VIT: variants seen among roughly 807,000 people sequenced by gnomAD.
VIT encodes vitrin.
A neutral mutation model predicts 78.0 loss-of-function variants in VIT; 99 were observed. That is an observed-to-expected ratio of 1.27 (90% CI 1.08 to 1.50). The LOEUF (loss-of-function observed/expected upper bound fraction) is 1.50. VIT is among the 40% of genes most tolerant of loss of function. The probability of loss-of-function intolerance (pLI) is 0.00; values close to 1 mark genes in which losing one functional copy is unlikely to be tolerated. For synonymous variants in VIT, 374 were observed against 334.3 expected (o/e 1.12, Z -1.29); for missense variants, 1,126 against 875.3 (o/e 1.29, Z -3.61).
At chr2:36,733,889 C>A (rs2148494914) in intron 3 of VIT, among the ~76,000 whole-genome samples, 1 of 152,356 alleles carries the variant, frequency 6.6e-6, no homozygotes, top group South Asian at 2.1e-4. Context: ...GATCATCTAA[C>A]CGTTAGCGTC....
At chr2:36,735,937 G>T (rs1170876985) in intron 3 of VIT, among the ~76,000 whole-genome samples, 1 of 152,214 alleles carries the variant, frequency 6.6e-6, no homozygotes, top group Non-Finnish European at 1.5e-5. Flanking sequence ...TCTTAGAATA[G>T]TAAGAGGGAA....
intron 1 of VIT, among the ~76,000 whole-genome samples, chr2:36,712,348 C>T (rs1324895799): frequency 6.6e-6 from 1 of 152,080 alleles, no homozygotes; most frequent in South Asian, 2.1e-4. Context: ...CCCGGAATCC[C>T]GTTGGTTTTT....
intron 13 of VIT, among the ~76,000 whole-genome samples, chr2:36,803,171 C>T (rs1465779341): frequency 2.0e-5 from 3 of 152,190 alleles, no homozygotes; most frequent in Non-Finnish European, 4.4e-5. Context: ...ACCACTGCAG[C>T]TAGCAACCAA....
At chr2:36,787,015 T>A (rs1665140856) in intron 11 of VIT, 114 bp from the exon 12 acceptor site, 1 of 1,355,818 alleles carries the variant, frequency 7.4e-7, no homozygotes, top group Non-Finnish European at 1.0e-6. Context: ...CTACCTCTTT[T>A]TCCCTTTCTT....
intron 15 of VIT, among the ~76,000 whole-genome samples, chr2:36,811,447 G>T (rs1053554613): frequency 6.6e-6 from 1 of 152,172 alleles, no homozygotes; most frequent in Non-Finnish European, 1.5e-5. Flanking sequence ...TGTCAGCGCA[G>T]CCTTAATGAA....
intron 7 of VIT, among the ~76,000 whole-genome samples, chr2:36,772,532 T>C (rs1669826202): frequency 6.6e-6 from 1 of 151,678 alleles, no homozygotes; most frequent in Admixed American, 6.6e-5. Flanking sequence ...CGAAACTCCA[T>C]CTCAAAAACA....
At chr2:36,723,602 A>G (rs1307502758) in intron 2 of VIT, among the ~76,000 whole-genome samples, 5 of 152,374 alleles carry the variant, frequency 3.3e-5, no homozygotes, top group Admixed American at 3.3e-4. Context: ...TTCTCTATGC[A>G]TTAAACAATA....
At chr2:36,733,333 TCTCTCTCTCTCCCCCC>T (rs1667317375) in intron 3 of VIT, among the ~76,000 whole-genome samples, 1 of 151,534 alleles carries the variant, frequency 6.6e-6, no homozygotes, top group South Asian at 2.1e-4. Flanking sequence ...TCTCTTGCTG[TCTCTCTCTCTCCCCCC>T]CTCTCTCTCT....
intron 3 of VIT, among the ~76,000 whole-genome samples, chr2:36,739,579 G>A (rs12712517): frequency 0.64 from 97,457 of 151,942 alleles, 31,635 homozygotes; most frequent in East Asian, 0.87. Context: ...TAATCCTACA[G>A]TTCGATCTGG....
chr2:36,808,788 GCAA>G lies in VIT; in HGVS notation c.1707_1709del (p.Ser569_Lys570delinsArg), dbSNP rs1666935196. ...GAGTTTGGGTTCGACAAGTACAGCA[GCAA>G]GCCTGACATCCTCAACGCCATCAAG... On this transcript the variant is annotated inframe_deletion, in exon 15 of 16. Coordinates refer to ENST00000379242, the MANE Select transcript of VIT (RefSeq NM_053276.4). 1.2e-6 allele frequency: 2 copies of G among 1,614,100 alleles called. No individual in the cohort carries two copies. The highest frequency in any genetic ancestry group is 1.7e-4 in the Middle Eastern group (1 of 6,060).
chr2:36,706,742 A>G (rs1051709438), intron 1 of VIT, among the ~76,000 whole-genome samples: 1 of 152,242 alleles, frequency 6.6e-6, no homozygotes, highest in African/African-American at 2.4e-5. Flanking sequence ...TGCATCTGAC[A>G]ATAATAATTG....
intron 4 of VIT, among the ~76,000 whole-genome samples, chr2:36,748,406 G>A (rs1223932090): frequency 2.0e-5 from 3 of 152,138 alleles, no homozygotes; most frequent in Non-Finnish European, 4.4e-5. Flanking sequence ...ACATAAGTCT[G>A]TATTTCTCAG....
At chr2:36,781,622 T>G in intron 9 of VIT, 105 bp from the exon 10 acceptor site, 7 of 1,320,278 alleles carry the variant, frequency 5.3e-6, no homozygotes, top group Non-Finnish European at 7.5e-6. Context: ...TTTATTGAAC[T>G]TTCAGACACA....
intron 14 of VIT, 55 bp downstream of exon 14, chr2:36,805,719 A>G: frequency 6.4e-7 from 1 of 1,560,588 alleles, no homozygotes; most frequent in South Asian, 1.2e-5. Context: ...ACTCTGAAAA[A>G]TTGTAACGCC....
chr2:36,708,472 A>G (rs750078911), intron 1 of VIT, among the ~76,000 whole-genome samples: 13 of 152,206 alleles, frequency 8.5e-5, no homozygotes, highest in Non-Finnish European at 1.5e-4. Flanking sequence ...TGGCTCAAGT[A>G]AGCCTCTAGG....
At chr2:36,797,396 T>G (rs966530217) in intron 12 of VIT, among the ~76,000 whole-genome samples, 22 of 152,204 alleles carry the variant, frequency 1.4e-4, no homozygotes, top group African/African-American at 3.9e-4. Flanking sequence ...AAGCCCAAAC[T>G]TGGGGACGGA....
Position 36,808,979 on chromosome 2 carries a change from C to A in VIT, c.1897C>A (p.Leu633Met), listed in dbSNP as rs774923509. 1 of 1,581,614 alleles carries A rather than the reference C, an allele frequency of 6.3e-7. No individual in the cohort carries two copies. The highest frequency in any genetic ancestry group is 1.2e-5 in the South Asian group (1 of 84,824). The change falls in exon 15 of 16, where the codon CTG (leucine) becomes ATG (methionine). Residue 633 changes from leucine (L) to methionine (M), a missense_variant. Physicochemically the swap from Leu to Met is conservative, Grantham distance 15. Coordinates refer to ENST00000379242, the MANE Select transcript of VIT (RefSeq NM_053276.4). The stretch of plus-strand genomic sequence containing the variant: ...CCGGATCCCAGCCATGGCTGCCCAT[C>A]TGAAGGGTAAGCTGGGCTTGCCAAG... ...DVRIPAMAAHLKGVITYAIGV... is the reference protein window; with the variant it reads ...DVRIPAMAAHMKGVITYAIGV...
intron 14 of VIT, among the ~76,000 whole-genome samples, chr2:36,808,100 C>G (rs553882911): frequency 6.6e-6 from 1 of 152,204 alleles, no homozygotes; most frequent in Non-Finnish European, 1.5e-5. Context: ...CTTTAGTCCT[C>G]TCATGCCATG....
intron 9 of VIT, among the ~76,000 whole-genome samples, chr2:36,777,644 A>G (rs569682831): frequency 6.6e-6 from 1 of 152,222 alleles, no homozygotes; most frequent in African/African-American, 2.4e-5. Flanking sequence ...TTTTTATCAT[A>G]TACCTCTGTA....
Sources: allele counts gnomAD v4.1 joint callset (sites outside exome capture counted in the v4.1 genomes callset), GRCh38; gene constraint gnomAD v4.1.1; transcripts MANE v1.5; gene names NCBI Gene and HGNC (gene_info 2026-07-23, HGNC 2026-07-21).